Variants in MED16 observed in about 807,000 individuals in gnomAD.
MED16 encodes the protein mediator of RNA polymerase II transcription subunit 16.
In MED16, 81 loss-of-function variants were observed where a neutral mutation model predicts 84.4. The observed-to-expected ratio is 0.96, with a 90% CI of 0.80 to 1.15. MED16 has a LOEUF of 1.15. Ranked by LOEUF, MED16 falls within the 50% of genes most tolerant of loss-of-function variation. The probability of loss-of-function intolerance (pLI) is 0.00; values close to 1 mark genes in which losing one functional copy is unlikely to be tolerated. For synonymous variants in MED16, 897 were observed against 552.2 expected (o/e 1.62, Z -8.76); for missense variants, 1,585 against 1,245.9 (o/e 1.27, Z -4.10).
At position 868,400 on chromosome 19, in the gene MED16, C is replaced by T. The variant is rs757553366; in HGVS notation, c.2483+16G>A. 3 of 1,608,390 alleles carry T rather than the reference C, an allele frequency of 1.9e-6. No individual in the cohort carries two copies. Among genetic ancestry groups the T allele is most frequent in the Non-Finnish European group, 8.5e-7 (1 of 1,179,732 alleles). Reference sequence around the variant, plus strand: ...AGGGGTAGCTGAGGGGCACCCGCCACCAGAGCCCACCGCACAGGCAGTTCT... The same window carrying T: ...AGGGGTAGCTGAGGGGCACCCGCCATCAGAGCCCACCGCACAGGCAGTTCT... On this transcript the variant is annotated intron_variant, in intron 15 of 15. Transcript: ENST00000325464.
At chr19:876,081 T>G (rs899282054) in intron 9 of MED16, among the ~76,000 whole-genome samples, 3 of 152,086 alleles carry the variant, frequency 2.0e-5, no homozygotes, top group African/African-American at 7.2e-5. Flanking sequence ...GGGTTTAGCC[T>G]CGCAGCCCCC....
At chr19:885,068 C>A in intron 5 of MED16, 60 bp from the exon 6 acceptor site, 5 of 1,346,440 alleles carry the variant, frequency 3.7e-6, no homozygotes, top group Non-Finnish European at 4.1e-6. Context: ...ACGCCACCAC[C>A]GGAGCCTGAG....
At chr19:890,104 G>A (rs377414684) in intron 3 of MED16, 33 bp downstream of exon 3, 65 of 1,490,598 alleles carry the variant, frequency 4.4e-5, no homozygotes, top group South Asian at 4.4e-4. Context: ...GATCCGGGTC[G>A]CCACCCCTGG....
rs547478584 is a variant in MED16 at position 881,308 on chromosome 19, T to A, written c.1141+251A>T. ...AAGTTCCCCAGGCTCCCTTGTTGATTTGCAATGACTCTTTACATATTAAAG... is the reference window on the plus strand; with the variant it reads ...AAGTTCCCCAGGCTCCCTTGTTGATATGCAATGACTCTTTACATATTAAAG... On this transcript the variant is annotated intron_variant, in intron 7 of 15. Coordinates refer to ENST00000325464, the MANE Select transcript of MED16 (RefSeq NM_005481.3). Among the ~76,000 whole-genome samples, 3 of 152,308 alleles carry A rather than the reference T, an allele frequency of 2.0e-5. No homozygotes were observed. In the South Asian group the frequency reaches 6.2e-4, roughly 32 times the overall value.
At chr19:881,773 C>T (rs2036427059) in intron 6 of MED16, 59 bp from the exon 7 acceptor site, 5 of 1,566,198 alleles carry the variant, frequency 3.2e-6, no homozygotes, top group Non-Finnish European at 4.3e-6. Flanking sequence ...GCTGAGACAG[C>T]CGCAGGAGTC....
chr19:889,646 C>A lies in MED16; in HGVS notation c.439G>T (p.Val147Leu), dbSNP rs1344444717. The change falls in exon 4 of 16, where the codon GTG (valine) becomes TTG (leucine). Residue 147 changes from valine to leucine, a missense_variant. Coordinates refer to ENST00000325464, the MANE Select transcript of MED16 (RefSeq NM_005481.3). ...TCGGGCAGGACACTCACCTTCTCCA[C>A]GTGCAGGGCCAGTTTCACACCATTG... Reference protein sequence around the residue: ...LHNGVKLALHVEKSGASSFGE... With the variant: ...LHNGVKLALHLEKSGASSFGE... 1.2e-6 allele frequency: 2 copies of A among 1,609,614 alleles called. No individual in the cohort carries two copies. The highest frequency in any genetic ancestry group is 8.5e-7 in the Non-Finnish European group (1 of 1,176,574).
intron 14 of MED16, among the ~76,000 whole-genome samples, 163 bp from the exon 15 acceptor site, chr19:868,662 C>G (rs576431511): frequency 3.3e-5 from 5 of 152,220 alleles, no homozygotes; most frequent in African/African-American, 9.6e-5. Context: ...TTCTCCTCCC[C>G]CCAGCAATGC....
chr19:869,571 G>A (rs1415722644), intron 13 of MED16, among the ~76,000 whole-genome samples: 5 of 152,256 alleles, frequency 3.3e-5, no homozygotes, highest in Middle Eastern at 3.4e-3. Context: ...TGACTCATTA[G>A]GAGGCCCCTC....
At position 868,235 on chromosome 19, in the gene MED16, C is replaced by T; in HGVS notation, c.2500G>A (p.Gly834Arg). ...CTGCTGGTCACGCAGGCGTCCGGCC[C>T]ACGGCCTTCAACAGCCCTGCAGGGC... The part of the protein sequence containing the change: ...IKNCLAVEGR[G>R]PDACVTSRAS... Residue 834 changes from glycine (G) to arginine (R), a missense_variant, in exon 16 of 16, where the codon GGG becomes AGG. By Grantham distance (125) the Gly-to-Arg change is moderately radical. Transcript: ENST00000325464. The T allele has an allele frequency of 6.3e-7, 1 of 1,597,062 alleles. No homozygotes were observed. Among genetic ancestry groups the T allele is most frequent in the Non-Finnish European group, 8.5e-7 (1 of 1,172,912 alleles).
At chr19:871,737 A>G (rs2036064632) in intron 12 of MED16, 189 bp downstream of exon 12, 1 of 698,084 alleles carries the variant, frequency 1.4e-6, no homozygotes. Flanking sequence ...GGGCTCAGGC[A>G]GGACTTGTGT....
At chr19:882,908 G>C (rs2036449384) in intron 6 of MED16, among the ~76,000 whole-genome samples, 1 of 152,156 alleles carries the variant, frequency 6.6e-6, no homozygotes, top group African/African-American at 2.4e-5. Context: ...GCATTCCCTG[G>C]GGGGAAACAG....
intron 3 of MED16, 83 bp downstream of exon 3, chr19:890,054 T>A (rs2036602659): frequency 8.8e-7 from 1 of 1,130,028 alleles, no homozygotes. Flanking sequence ...AGCGCCGGAC[T>A]CCAGACTGAC....
At chr19:885,049 G>T in intron 5 of MED16, 41 bp from the exon 6 acceptor site, 1 of 1,488,710 alleles carries the variant, frequency 6.7e-7, no homozygotes, top group African/African-American at 1.4e-5. Context: ...CGGCACTGCT[G>T]TGGTGGCCAC....
In MED16 at chr19:885,820, A is replaced by T. The variant is rs1455674023; in HGVS notation, c.829T>A (p.Phe277Ile). 1.2e-6 allele frequency: 2 copies of T among 1,613,380 alleles called. No homozygotes were observed. The highest frequency in any genetic ancestry group is 1.7e-6 in the Non-Finnish European group (2 of 1,179,948). ...AACTTGAGGTGGGTGATGGCGGGAA[A>T]CTTGTCCTTGCGGTTGAGGTCGGTG... ...CTTDLNRKDK[F>I]PAITHLKFLA... Residue 277 changes from phenylalanine (F) to isoleucine (I), a missense_variant, in exon 5 of 16, where the codon TTT becomes ATT. Physicochemically the swap from Phe to Ile is conservative, Grantham distance 21. Transcript: ENST00000325464.
chr19:884,086 G>A (rs1392516688), intron 6 of MED16, among the ~76,000 whole-genome samples: 6 of 152,120 alleles, frequency 3.9e-5, no homozygotes, highest in Admixed American at 2.6e-4. Context: ...TCTGAGGAGC[G>A]CCTGCCCCAC....
At chr19:870,579 A>G (rs1213251782) in intron 13 of MED16, among the ~76,000 whole-genome samples, 1 of 151,598 alleles carries the variant, frequency 6.6e-6, no homozygotes, top group Non-Finnish European at 1.5e-5. Context: ...AAAAAAAAAA[A>G]AAAAGGGAGA....
chr19:873,962 G>A (rs1683576), intron 10 of MED16, among the ~76,000 whole-genome samples: 3 of 152,164 alleles, frequency 2.0e-5, no homozygotes, highest in African/African-American at 7.2e-5. Context: ...GCCACCCCCG[G>A]CTGGCAGCTG....
intron 9 of MED16, among the ~76,000 whole-genome samples, chr19:875,865 A>C (rs2036218049): frequency 6.6e-6 from 1 of 152,210 alleles, no homozygotes; most frequent in African/African-American, 2.4e-5. Flanking sequence ...AATGAGCTGA[A>C]GCATTTTGGG....
At chr19:876,897 G>GCCCCACCTGCCATGGGGC (rs1568324609) in intron 9 of MED16, 77 bp downstream of exon 9, 62,370 of 1,355,216 alleles carry the variant, frequency 0.046, 3,558 homozygotes, top group African/African-American at 0.054. Context: ...CTGCCACGGG[G>GCCCCACCTGCCATGGGGC]CCCCACCTGC....
Sources: allele counts gnomAD v4.1 joint callset (sites outside exome capture counted in the v4.1 genomes callset), GRCh38; gene constraint gnomAD v4.1.1; transcripts MANE v1.5; gene names NCBI Gene and HGNC (gene_info 2026-07-23, HGNC 2026-07-21).